ANKRD44: variants seen among roughly 807,000 people sequenced by gnomAD.
ANKRD44 encodes ankyrin repeat domain 44.
In ANKRD44, 35 loss-of-function variants were observed where a neutral mutation model predicts 116.0. That is an observed-to-expected ratio of 0.30 (90% CI 0.23 to 0.40). ANKRD44 has a LOEUF of 0.40. Among genes scored for constraint, ANKRD44 ranks in the 10% least tolerant of loss-of-function variants. The pLI, the probability that ANKRD44 is intolerant of heterozygous loss-of-function variation, is 1.00. For missense variants in ANKRD44, 1,014 were observed against 1,242.6 expected (o/e 0.82, Z 2.77); for synonymous variants, 435 against 461.8 (o/e 0.94, Z 0.74).
chr2:197,196,687 T>G (rs2080957203), intron 1 of ANKRD44, among the ~76,000 whole-genome samples: 1 of 152,210 alleles, frequency 6.6e-6, no homozygotes, highest in Non-Finnish European at 1.5e-5. Context: ...ATTAAATCAT[T>G]CATGATTTAG....
intron 1 of ANKRD44, among the ~76,000 whole-genome samples, chr2:197,202,302 G>A (rs868716819): frequency 6.6e-6 from 1 of 152,064 alleles, no homozygotes; most frequent in Non-Finnish European, 1.5e-5. Flanking sequence ...CGGAGGGCAA[G>A]TCACAGAGCA....
chr2:197,285,894 T>G (rs2083393038), intron 1 of ANKRD44, among the ~76,000 whole-genome samples: 1 of 152,234 alleles, frequency 6.6e-6, no homozygotes, highest in African/African-American at 2.4e-5. Context: ...AAAATCAGAA[T>G]CAGGCCTTCC....
chr2:197,185,875 A>G (rs1015817731), intron 2 of ANKRD44, among the ~76,000 whole-genome samples: 2 of 152,210 alleles, frequency 1.3e-5, no homozygotes, highest in Non-Finnish European at 2.9e-5. Flanking sequence ...GGCAAGGGTC[A>G]GCAAACTTTC....
intron 10 of ANKRD44, among the ~76,000 whole-genome samples, chr2:197,091,903 T>C (rs935586684): frequency 1.7e-4 from 26 of 152,160 alleles, no homozygotes; most frequent in African/African-American, 5.1e-4. Context: ...TTGCATATAT[T>C]TCATAAATCT....
rs1303172111 is a variant in ANKRD44 at position 197,099,876 on chromosome 2, G to A, written c.1040C>T (p.Ala347Val). 1 of 1,614,144 alleles carries A rather than the reference G, an allele frequency of 6.2e-7. No individual in the cohort carries two copies. The highest frequency in any genetic ancestry group is 1.7e-5 in the Admixed American group (1 of 60,024). ...AATCAAAAGCTCATGACCGTATCTTGCAGCCACATGGAGAGGAGTGTTGCC... is the reference window on the plus strand; with the variant it reads ...AATCAAAAGCTCATGACCGTATCTTACAGCCACATGGAGAGGAGTGTTGCC... ...KDGNTPLHVAARYGHELLINT... is the reference protein window; with the variant it reads ...KDGNTPLHVAVRYGHELLINT... Residue 347 changes from alanine (A) to valine (V), a missense_variant, in exon 10 of 28, where the codon GCA becomes GTA. Coordinates refer to ENST00000282272, the MANE Select transcript of ANKRD44 (RefSeq NM_001195144.2).
At chr2:197,113,180 G>A (rs1034171600) in intron 8 of ANKRD44, among the ~76,000 whole-genome samples, 10 of 152,232 alleles carry the variant, frequency 6.6e-5, no homozygotes, top group African/African-American at 1.4e-4. Context: ...CAAAACCATC[G>A]CTGACCATGA....
intron 1 of ANKRD44, among the ~76,000 whole-genome samples, chr2:197,304,352 T>G (rs1043107653): frequency 3.3e-5 from 5 of 152,104 alleles, no homozygotes; most frequent in Admixed American, 6.5e-5. Flanking sequence ...ATGGGTAATC[T>G]TAGATTATCT....
chr2:196,982,129 TGCAGAGAC>T (rs2075806429), downstream of ANKRD44, among the ~76,000 whole-genome samples: 1 of 144,642 alleles, frequency 6.9e-6, no homozygotes, highest in South Asian at 2.2e-4. Flanking sequence ...TATATATATA[TGCAGAGAC>T]AAATCTCTAA....
chr2:197,242,458 C>T (rs1438863974), intron 1 of ANKRD44, among the ~76,000 whole-genome samples: 3 of 152,188 alleles, frequency 2.0e-5, no homozygotes, highest in African/African-American at 7.2e-5. Flanking sequence ...TCAAAAGAGA[C>T]AGGAGGAGCC....
chr2:197,185,453 G>A (rs1195600115), intron 2 of ANKRD44, among the ~76,000 whole-genome samples: 2 of 152,232 alleles, frequency 1.3e-5, no homozygotes, highest in East Asian at 3.8e-4. Context: ...CACTGAAGAT[G>A]TAGTTGACAA....
At chr2:197,233,883 T>A (rs2081921681) in intron 1 of ANKRD44, among the ~76,000 whole-genome samples, 1 of 152,248 alleles carries the variant, frequency 6.6e-6, no homozygotes, top group South Asian at 2.1e-4. Context: ...CCTAAATATA[T>A]TTTCAATCTA....
At chr2:197,098,084 A>G (rs546133937) in intron 10 of ANKRD44, among the ~76,000 whole-genome samples, 1 of 152,172 alleles carries the variant, frequency 6.6e-6, no homozygotes, top group African/African-American at 2.4e-5. Context: ...ACTCCTATAT[A>G]TCCTTCCTTT....
At chr2:197,149,358 G>A (rs2079583055) in intron 2 of ANKRD44, among the ~76,000 whole-genome samples, 1 of 152,198 alleles carries the variant, frequency 6.6e-6, no homozygotes, top group Non-Finnish European at 1.5e-5. Flanking sequence ...TGGTTGGCCT[G>A]TCATGATATG....
chr2:197,232,631 G>A (rs1455517526), intron 1 of ANKRD44, among the ~76,000 whole-genome samples: 1 of 152,094 alleles, frequency 6.6e-6, no homozygotes, highest in Non-Finnish European at 1.5e-5. Context: ...GGTTTTGTGG[G>A]AGATGACTGT....
intron 17 of ANKRD44, among the ~76,000 whole-genome samples, chr2:197,017,004 A>G (rs2076405236): frequency 6.6e-6 from 1 of 152,202 alleles, no homozygotes; most frequent in South Asian, 2.1e-4. Context: ...AAATATGAGA[A>G]TATGTGAAGA....
chr2:197,197,630 T>G (rs7594543), intron 1 of ANKRD44, among the ~76,000 whole-genome samples: 6,498 of 151,476 alleles, frequency 0.043, 477 homozygotes, highest in African/African-American at 0.15. Context: ...AGACACATGG[T>G]GAAACCACAT....
In ANKRD44 at chr2:197,282,652, T is replaced by C. The variant is rs113921446; in HGVS notation, c.27+27926A>G. 3.9e-5 allele frequency among the ~76,000 whole-genome samples: 6 copies of C among 152,266 alleles called. 1 individual carries two copies. The highest frequency in any genetic ancestry group is 1.2e-4 in the African/African-American group (5 of 41,558). ...GGTCTTTCCATACTACAGTGTTCTTTATACTAAAAACTTTAATCCCTCCAG... is the reference window on the plus strand; with the variant it reads ...GGTCTTTCCATACTACAGTGTTCTTCATACTAAAAACTTTAATCCCTCCAG... On this transcript the variant is annotated intron_variant, in intron 1 of 27. Transcript: ENST00000282272.
intron 16 of ANKRD44, chr2:197,077,955 A>G (rs910445229): frequency 2.1e-4 from 32 of 152,172 alleles, no homozygotes; most frequent in African/African-American, 7.5e-4. Flanking sequence ...CTCTTACTTG[A>G]ATAACAGAAA....
At chr2:197,191,313 T>A (rs2080816285) in intron 1 of ANKRD44, among the ~76,000 whole-genome samples, 1 of 152,130 alleles carries the variant, frequency 6.6e-6, no homozygotes, top group South Asian at 2.1e-4. Flanking sequence ...CCAGGAGTGT[T>A]GACGGCTGCC....
Sources: allele counts gnomAD v4.1 joint callset (sites outside exome capture counted in the v4.1 genomes callset), GRCh38; gene constraint gnomAD v4.1.1; transcripts MANE v1.5; gene names NCBI Gene and HGNC (gene_info 2026-07-23, HGNC 2026-07-21).